The following MSR1 variants were observed in gnomAD, a reference collection of about 807,000 sequenced individuals.
MSR1 encodes macrophage scavenger receptor types I and II.
A neutral mutation model predicts 47.2 loss-of-function variants in MSR1; 53 were observed. That is an observed-to-expected ratio of 1.12 (90% confidence interval 0.90 to 1.41). The LOEUF (loss-of-function observed/expected upper bound fraction) is 1.41, where lower values mean the gene tolerates loss of function less well. Among genes scored for constraint, MSR1 ranks in the 40% most tolerant of loss-of-function variants. The pLI is 0.00. For missense variants in MSR1, 786 were observed against 546.9 expected, an observed-to-expected ratio of 1.44 and a Z score of -4.36; for synonymous variants, 239 against 185.6, an observed-to-expected ratio of 1.29 and a Z score of -2.34.
chr8:16,151,211 G>GGCCGACCCCCGCGAGGGGAAAAGTCC (rs2117134775), intron 6 of MSR1, among the ~76,000 whole-genome samples: 1 of 152,004 alleles, frequency 6.6e-6, no homozygotes, highest in African/African-American at 2.4e-5. Flanking sequence ...AGCATCTTGG[G>GGCCGACCCCCGCGAGGGGAAAAGTCC]GCCATAAGAG....
In MSR1 at chr8:16,154,355, A is replaced by G. The variant is rs528552412; in HGVS notation, c.898+709T>C. On this transcript the variant is annotated intron_variant, in intron 6 of 9. Coordinates refer to ENST00000262101, the MANE Select transcript of MSR1 (RefSeq NM_138715.3). ...AGGCTAACATGACAATCATGTTATT[A>G]TCTTTTTTATTTTTTCAAGCAAAGA... Among the ~76,000 whole-genome samples, 6 of 152,098 alleles carry G rather than the reference A, an allele frequency of 3.9e-5. No individual in the cohort carries two copies. The East Asian group carries it at 7.7e-4, about 20-fold the overall frequency.
At chr8:16,146,650 G>A (rs1035441998) in intron 7 of MSR1, among the ~76,000 whole-genome samples, 2 of 152,110 alleles carry the variant, frequency 1.3e-5, no homozygotes, top group South Asian at 4.1e-4. Context: ...TTCATGCTCT[G>A]TTCTCTGGGT....
At chr8:16,155,304 G>A (rs897003274) in intron 5 of MSR1, among the ~76,000 whole-genome samples, 160 bp from the exon 6 acceptor site, 3 of 151,890 alleles carry the variant, frequency 2.0e-5, no homozygotes, top group African/African-American at 7.2e-5. Context: ...GGAGTATTCT[G>A]CTATTCAGGA....
At chr8:16,187,317 C>G (rs996717714) in intron 1 of MSR1, among the ~76,000 whole-genome samples, 2 of 132,708 alleles carry the variant, frequency 1.5e-5, no homozygotes, top group African/African-American at 5.6e-5. Flanking sequence ...GAGCCAAGAT[C>G]AGGCCACTGC....
At position 16,128,152 on chromosome 8, in the gene MSR1, A is replaced by C. The variant is rs529307560; in HGVS notation, c.1034-7546T>G. 5.3e-5 allele frequency among the ~76,000 whole-genome samples: 8 copies of C among 152,288 alleles called. 1 individual carries two copies. Among genetic ancestry groups the C allele is most frequent in the Non-Finnish European group, 1.2e-4 (8 of 68,010 alleles). On this transcript the variant is annotated intron_variant, in intron 8 of 9. Coordinates refer to ENST00000262101, the MANE Select transcript of MSR1 (RefSeq NM_138715.3). ...AACAAAGTTACAGAAACATAGACAA[A>C]GAAAACTGAATTCATCCTGAAACAG...
chr8:16,145,858 C>T (rs186071419), intron 7 of MSR1, among the ~76,000 whole-genome samples: 1 of 152,196 alleles, frequency 6.6e-6, no homozygotes, highest in Admixed American at 6.5e-5. Flanking sequence ...CAGAATGATA[C>T]CTTTGGTTAA....
intron 1 of MSR1, among the ~76,000 whole-genome samples, chr8:16,186,715 T>C (rs1234140282): frequency 1.3e-5 from 2 of 151,808 alleles, no homozygotes; most frequent in African/African-American, 4.8e-5. Flanking sequence ...CACTGCAACC[T>C]TGACCTCCTG....
intron 5 of MSR1, among the ~76,000 whole-genome samples, chr8:16,163,349 C>A (rs898986260): frequency 1.3e-5 from 2 of 150,878 alleles, no homozygotes; most frequent in Non-Finnish European, 3.0e-5. Context: ...AGAGACTAAC[C>A]TAAAACAAAG....
chr8:16,173,555 G>GGTTT (rs1801550450), intron 3 of MSR1, among the ~76,000 whole-genome samples: 1 of 152,198 alleles, frequency 6.6e-6, no homozygotes, highest in Non-Finnish European at 1.5e-5. Context: ...TTGGTTGGTT[G>GGTTT]TTATGGTTGG....
At position 16,177,899 on chromosome 8, in the gene MSR1, A is replaced by T. The variant is rs1276647380; in HGVS notation, c.90T>A (p.Ala30=). The part of the protein sequence containing the change: ...SVKFDARSMT[A]LLPPNPKNSP... ...CCCTCTACTTACTCGGAGGAAGCAA[A>T]GCTGTCATTGAGCGAGCATCAAATT... Residue 30 remains alanine (A), a synonymous_variant, in exon 2 of 10, where the codon GCT becomes GCA. Transcript: ENST00000262101. 1.2e-6 allele frequency: 2 copies of T among 1,613,874 alleles called. No homozygotes were observed. Among genetic ancestry groups the T allele is most frequent in the Non-Finnish European group, 8.5e-7 (1 of 1,179,866 alleles).
chr8:16,160,860 A>C (rs1355250958), intron 5 of MSR1, among the ~76,000 whole-genome samples: 1 of 151,852 alleles, frequency 6.6e-6, no homozygotes, highest in Non-Finnish European at 1.5e-5. Context: ...GGGAAGATTG[A>C]GAAAATTAGG....
At chr8:16,130,644 C>G (rs1423845611) in intron 8 of MSR1, among the ~76,000 whole-genome samples, 1 of 152,028 alleles carries the variant, frequency 6.6e-6, no homozygotes, top group African/African-American at 2.4e-5. Context: ...ACCTTCCACC[C>G]TCAAGTAGAC....
chr8:16,158,788 T>A (rs1392643681), intron 5 of MSR1, among the ~76,000 whole-genome samples: 1 of 151,962 alleles, frequency 6.6e-6, no homozygotes, highest in Non-Finnish European at 1.5e-5. Context: ...AAGAATTTCA[T>A]TTCTTTCCTG....
In MSR1 at chr8:16,110,170, G is replaced by T; in HGVS notation, c.1271C>A (p.Ser424Ter). The T allele has an allele frequency of 1.2e-6, 2 of 1,613,608 alleles. No homozygotes were observed. Among genetic ancestry groups the T allele is most frequent in the Non-Finnish European group, 1.7e-6 (2 of 1,179,666 alleles). ...LNEVFCFGRE[S>*]SIEECKIRQW... ...CCGAATTTTACATTCTTCAATAGATGATTCTCTCCCAAAACAAAACACTTC... is the reference window on the plus strand; with the variant it reads ...CCGAATTTTACATTCTTCAATAGATTATTCTCTCCCAAAACAAAACACTTC... The change falls in exon 10 of 10, where the codon TCA (serine) becomes TAA (stop). Residue 424 changes from serine to a stop codon, truncating the protein, a stop_gained. Transcript: ENST00000262101. LOFTEE classifies it low-confidence loss of function (END_TRUNC).
intron 1 of MSR1, among the ~76,000 whole-genome samples, chr8:16,179,322 G>C (rs1397254475): frequency 6.6e-6 from 1 of 152,106 alleles, no homozygotes; most frequent in Non-Finnish European, 1.5e-5. Flanking sequence ...GAGGATTTGG[G>C]AACTATGCCT....
chr8:16,117,189 G>A (rs897062512), intron 9 of MSR1, among the ~76,000 whole-genome samples: 11 of 152,130 alleles, frequency 7.2e-5, no homozygotes, highest in East Asian at 5.8e-4. Flanking sequence ...TCACATTACC[G>A]CCTGAGTGCC....
At chr8:16,168,004 T>C (rs1232032244) in intron 4 of MSR1, among the ~76,000 whole-genome samples, 3 of 152,142 alleles carry the variant, frequency 2.0e-5, no homozygotes, top group African/African-American at 4.8e-5. Flanking sequence ...TGTAATACCA[T>C]TGTCTTCTGA....
chr8:16,130,138 G>T (rs991096763), intron 8 of MSR1, among the ~76,000 whole-genome samples: 1 of 152,178 alleles, frequency 6.6e-6, no homozygotes, highest in Admixed American at 6.5e-5. Context: ...GGACTAAGCA[G>T]GACAAGTGCT....
intron 7 of MSR1, among the ~76,000 whole-genome samples, chr8:16,149,664 T>C (rs893505903): frequency 1.3e-5 from 2 of 152,130 alleles, no homozygotes; most frequent in Admixed American, 1.3e-4. Context: ...TCATCATGTG[T>C]GTACATTTCA....
Sources: gnomAD v4.1 joint callset for allele counts (sites outside exome capture counted in the v4.1 genomes callset) on GRCh38, gnomAD v4.1.1 for gene constraint, MANE v1.5 for transcripts, NCBI Gene and HGNC (gene_info 2026-07-23, HGNC 2026-07-21) for gene names.